BEGAIN: variants seen among roughly 807,000 people sequenced by gnomAD.
The protein encoded by BEGAIN is brain-enriched guanylate kinase-associated protein.
BEGAIN carries 19 observed loss-of-function variants against 35.8 expected under a neutral mutation model. The ratio of observed to expected loss-of-function variants is 0.53; its 90% CI spans 0.37 to 0.78. The LOEUF (loss-of-function observed/expected upper bound fraction) is 0.78. Ranked by LOEUF, BEGAIN falls within the 30% of genes least tolerant of loss-of-function variation. BEGAIN has a pLI of 0.00. For missense variants in BEGAIN, 795 were observed against 853.6 expected (o/e 0.93, Z 0.85); for synonymous variants, 462 against 388.6 (o/e 1.19, Z -2.22).
In BEGAIN at chr14:100,563,396, C is replaced by T. The variant is rs555633621; in HGVS notation, c.71+4515G>A. Among the ~76,000 whole-genome samples, 1 of 152,220 alleles carries T rather than the reference C, an allele frequency of 6.6e-6. No individual in the cohort carries two copies. The highest frequency in any genetic ancestry group is 1.5e-5 in the Non-Finnish European group (1 of 68,036). On this transcript the variant is annotated intron_variant, in intron 2 of 6. Coordinates refer to ENST00000554140, the MANE Select transcript of BEGAIN (RefSeq NM_001385089.1). The surrounding 1 kb of genome is among the most constrained non-coding windows in gnomAD (Gnocchi z 4.2). ...AGAAAGTGAAAAAACCTGACACATTCAACAAAATTAAAATTAAGAACTTTT... is the reference window on the plus strand; with the variant it reads ...AGAAAGTGAAAAAACCTGACACATTTAACAAAATTAAAATTAAGAACTTTT...
At chr14:100,577,477 G>A in intron 1 of BEGAIN, 1 of 399,546 alleles carries the variant, frequency 2.5e-6, no homozygotes, top group Middle Eastern at 6.3e-4. Flanking sequence ...CTCCCCTGGG[G>A]CTGCAGCTCT....
At chr14:100,582,895 G>A (rs938503191) in intron 1 of BEGAIN, among the ~76,000 whole-genome samples, 1 of 151,846 alleles carries the variant, frequency 6.6e-6, no homozygotes, top group Non-Finnish European at 1.5e-5. Flanking sequence ...CTGCGCCTGC[G>A]TAGTATATGT....
chr14:100,580,457 G>A (rs1017794561), intron 1 of BEGAIN, among the ~76,000 whole-genome samples: 4 of 152,094 alleles, frequency 2.6e-5, no homozygotes, highest in African/African-American at 4.8e-5. Flanking sequence ...CCGCTGCCAA[G>A]GAACGTCTCT....
At chr14:100,562,021 T>C (rs1021172006) in intron 2 of BEGAIN, among the ~76,000 whole-genome samples, 7 of 152,162 alleles carry the variant, frequency 4.6e-5, no homozygotes, top group African/African-American at 1.7e-4. Flanking sequence ...GAAATCAAAG[T>C]GAGGCAGTCA....
At chr14:100,554,732 C>T (rs78860894) in intron 2 of BEGAIN, among the ~76,000 whole-genome samples, 3 of 152,132 alleles carry the variant, frequency 2.0e-5, no homozygotes, top group Non-Finnish European at 4.4e-5. Context: ...TAGTTCCCCC[C>T]AGATGGCTCA....
chr14:100,560,049 T>C (rs946766111), intron 2 of BEGAIN, among the ~76,000 whole-genome samples: 1 of 151,866 alleles, frequency 6.6e-6, no homozygotes, highest in East Asian at 1.9e-4. Flanking sequence ...GCTGAGAGGG[T>C]CATGTGGACT....
At position 100,543,848 on chromosome 14, in the gene BEGAIN, C is replaced by T. The variant is rs760443935; in HGVS notation, c.408+10G>A. On this transcript the variant is annotated intron_variant, in intron 5 of 6. Transcript: ENST00000554140. Reference sequence around the variant, plus strand: ...CAGTCTTCCATGGGCCAAGTGTGTGCGGCACTCACGTTGTCCTCTGACAGC... The same window carrying T: ...CAGTCTTCCATGGGCCAAGTGTGTGTGGCACTCACGTTGTCCTCTGACAGC... 13 of 1,605,750 alleles carry T rather than the reference C, an allele frequency of 8.1e-6. No homozygotes were observed. The highest frequency in any genetic ancestry group is 6.7e-5 in the Admixed American group (4 of 59,732).
Position 100,568,067 on chromosome 14 carries a change from C to T in BEGAIN, c.43-128G>A, listed in dbSNP as rs891193072. 53 of 1,092,660 alleles carry T rather than the reference C, an allele frequency of 4.9e-5. No homozygotes were observed. The highest frequency in any genetic ancestry group is 5.8e-5 in the Non-Finnish European group (52 of 899,520). 67.7% of individuals were successfully genotyped at this position (1,092,660 alleles called of 1,614,324 possible). On this transcript the variant is annotated intron_variant, in intron 1 of 6. Transcript: ENST00000554140. This position sits in a 1 kb window ranked among gnomAD's most constrained non-coding sequence, Gnocchi z 7.5. ...GGCCCCGTCCGTGGGAAGCCCGGCGCCGCGCGTCCCCAGCTTCCAGTCCCG... is the reference window on the plus strand; with the variant it reads ...GGCCCCGTCCGTGGGAAGCCCGGCGTCGCGCGTCCCCAGCTTCCAGTCCCG...
In BEGAIN at chr14:100,563,153, G is replaced by A. The variant is rs1472447960; in HGVS notation, c.71+4758C>T. Among the ~76,000 whole-genome samples, 1 of 152,244 alleles carries A rather than the reference G, an allele frequency of 6.6e-6. No homozygotes were observed. Among genetic ancestry groups the A allele is most frequent in the East Asian group, 1.9e-4 (1 of 5,198 alleles). The stretch of plus-strand genomic sequence containing the variant: ...CTGCAGAGTGTCTCAGCCTGGACAA[G>A]TGTCCGACATGGACAGGACCACAAG... On this transcript the variant is annotated intron_variant, in intron 2 of 6. Coordinates refer to ENST00000554140, the MANE Select transcript of BEGAIN (RefSeq NM_001385089.1). This position sits in a 1 kb window ranked among gnomAD's most constrained non-coding sequence, Gnocchi z 4.2.
At chr14:100,582,851 T>C (rs539164919) in intron 1 of BEGAIN, among the ~76,000 whole-genome samples, 1 of 151,950 alleles carries the variant, frequency 6.6e-6, no homozygotes, top group Non-Finnish European at 1.5e-5. Flanking sequence ...AAGGTGGGGT[T>C]AAGTCTCCCT....
intron 2 of BEGAIN, among the ~76,000 whole-genome samples, chr14:100,562,672 C>T (rs552409209): frequency 1.3e-5 from 2 of 152,166 alleles, no homozygotes; most frequent in South Asian, 2.1e-4. Flanking sequence ...TGCAGGCCAC[C>T]GGTACACCTG....
chr14:100,586,107 C>T lies in BEGAIN; in HGVS notation c.42+1142G>A, dbSNP rs2035439413. 6.6e-6 allele frequency among the ~76,000 whole-genome samples: 1 copy of T among 152,256 alleles called. No individual in the cohort carries two copies. The highest frequency in any genetic ancestry group is 2.1e-4 in the South Asian group (1 of 4,836). On this transcript the variant is annotated intron_variant, in intron 1 of 6. Transcript: ENST00000554140. The surrounding 1 kb of genome is among the most constrained non-coding windows in gnomAD (Gnocchi z 4.9). ...CCCCTGCTGGCAAGACCAAGGCCAG[C>T]CTGGCAGGGCTGCACACCGCAGTTT...
chr14:100,555,289 G>A (rs2033602224), intron 2 of BEGAIN, among the ~76,000 whole-genome samples: 1 of 152,256 alleles, frequency 6.6e-6, no homozygotes, highest in Non-Finnish European at 1.5e-5. Context: ...TGGGTGGGCA[G>A]AATCGCCTCG....
chr14:100,546,768 GCGCGCGCGCGCGCACA>G, intron 2 of BEGAIN, 106 bp from the exon 3 acceptor site: 1 of 702,370 alleles, frequency 1.4e-6, no homozygotes, highest in Non-Finnish European at 1.9e-6. Flanking sequence ...GTACCGGCGC[GCGCGCGCGCGCGCACA>G]CACACACACA....
intron 2 of BEGAIN, among the ~76,000 whole-genome samples, chr14:100,566,242 C>T (rs1430117467): frequency 1.3e-5 from 2 of 152,240 alleles, no homozygotes; most frequent in Non-Finnish European, 2.9e-5. Context: ...AGCCTCAGCC[C>T]GCCTGGGACA....
intron 1 of BEGAIN, chr14:100,578,014 C>A: frequency 2.5e-6 from 1 of 398,954 alleles, no homozygotes; most frequent in South Asian, 1.3e-4. Context: ...CCTCTCCTCC[C>A]ATGGGGCTGG....
At chr14:100,562,871 G>T (rs576203388) in intron 2 of BEGAIN, among the ~76,000 whole-genome samples, 2 of 152,372 alleles carry the variant, frequency 1.3e-5, no homozygotes, top group Admixed American at 6.5e-5. Flanking sequence ...CCGCCGACTA[G>T]AAGATTCGCC....
chr14:100,551,132 G>A (rs966742305), intron 2 of BEGAIN, among the ~76,000 whole-genome samples: 5 of 152,204 alleles, frequency 3.3e-5, no homozygotes, highest in African/African-American at 9.7e-5. Context: ...TTAGGGATCC[G>A]GGGTCCACTT....
At chr14:100,548,274 T>G (rs1293184148) in intron 2 of BEGAIN, 7 of 134,108 alleles carry the variant, frequency 5.2e-5, no homozygotes, top group Middle Eastern at 3.6e-3. Context: ...ACTCTATAGC[T>G]ACAGGTCCCA....
Sources: allele counts gnomAD v4.1 joint callset (sites outside exome capture counted in the v4.1 genomes callset), GRCh38; gene constraint gnomAD v4.1.1; non-coding constraint Gnocchi (gnomAD v3.1); transcripts MANE v1.5; gene names NCBI Gene and HGNC (gene_info 2026-07-23, HGNC 2026-07-21).